Variants in NEDD4L observed in about 807,000 individuals in gnomAD.
NEDD4L encodes NEDD4 like E3 ubiquitin protein ligase.
Under a neutral mutation model 148.9 loss-of-function variants are expected in NEDD4L, and 54 were observed. The ratio of observed to expected loss-of-function variants is 0.36; its 90% confidence interval spans 0.29 to 0.45. The LOEUF is 0.45. Among genes scored for constraint, NEDD4L ranks in the 20% least tolerant of loss-of-function variants. The probability of loss-of-function intolerance (pLI) is 1.00; values close to 1 mark genes in which losing one functional copy is unlikely to be tolerated. For missense variants in NEDD4L, 856 were observed against 1,233.8 expected, an observed-to-expected ratio of 0.69 and a Z score of 4.59; for synonymous variants, 433 against 440.7, an observed-to-expected ratio of 0.98 and a Z score of 0.22.
In NEDD4L at chr18:58,329,007, G is replaced by C. The variant is rs764223093; in HGVS notation, c.693G>C (p.Ser231=). The stretch of plus-strand genomic sequence containing the variant: ...CCTGCATGCTCAGGGACGTGTCCTC[G>C]GAGTCGGACAATAACATCAGACAGA... ...WHRPSLMDVS[S]ESDNNIRQIN... is the part of the protein sequence containing the mutation. The change falls in exon 10 of 31, where the codon TCG becomes TCC. Residue 231 remains serine (S), a synonymous_variant. Coordinates refer to ENST00000400345, the MANE Select transcript of NEDD4L (RefSeq NM_001144967.3). 9 of 1,613,842 alleles carry C rather than the reference G, an allele frequency of 5.6e-6. No individual in the cohort carries two copies. The African/African-American group carries it at 1.1e-4, about 19-fold the overall frequency.
chr18:58,276,669 G>A lies in NEDD4L; in HGVS notation c.297+24615G>A, dbSNP rs147524329. Among the ~76,000 whole-genome samples, 114 of 145,404 alleles carry A rather than the reference G, an allele frequency of 7.8e-4. No homozygotes were observed. In the East Asian group the frequency reaches 0.013, roughly 17 times the overall value. On this transcript the variant is annotated intron_variant, in intron 5 of 30. Coordinates refer to ENST00000400345, the MANE Select transcript of NEDD4L (RefSeq NM_001144967.3). ...GTAAATGCTAATGTGTTTTACAATT[G>A]TGGTCAGCTATAATAATAATAATAA...
intron 1 of NEDD4L, among the ~76,000 whole-genome samples, chr18:58,105,323 G>C (rs964118414): frequency 2.6e-5 from 4 of 152,124 alleles, no homozygotes; most frequent in African/African-American, 7.2e-5. Flanking sequence ...ATATCTCCCT[G>C]TTCTCCCTGC....
At chr18:58,268,580 C>G (rs2050568173) in intron 5 of NEDD4L, among the ~76,000 whole-genome samples, 1 of 152,006 alleles carries the variant, frequency 6.6e-6, no homozygotes, top group Non-Finnish European at 1.5e-5. Context: ...GACAGATGAG[C>G]AGATAGACAC....
At position 58,149,607 on chromosome 18, in the gene NEDD4L, C is replaced by T. The variant is rs559397416; in HGVS notation, c.49-16181C>T. 10 of 1,270,530 alleles carry T rather than the reference C, an allele frequency of 7.9e-6. No homozygotes were observed. In the African/African-American group the frequency reaches 1.3e-4, roughly 17 times the overall value. 78.7% of individuals were successfully genotyped at this position (1,270,530 alleles called of 1,614,324 possible). On this transcript the variant is annotated intron_variant, in intron 1 of 30. Transcript: ENST00000400345. ...TTGGTGGGGGAGGAGGTTTTACCTT[C>T]CTGTGGCATTCTGAAGCTCTCCACA...
intron 1 of NEDD4L, among the ~76,000 whole-genome samples, chr18:58,145,806 T>C (rs79819114): frequency 6.6e-6 from 1 of 152,336 alleles, no homozygotes; most frequent in East Asian, 1.9e-4. Flanking sequence ...CAGTCCTCCT[T>C]CTCTCAGACC....
intron 1 of NEDD4L, among the ~76,000 whole-genome samples, chr18:58,115,422 CAT>C (rs957291776): frequency 1.3e-5 from 2 of 151,976 alleles, no homozygotes; most frequent in African/African-American, 4.8e-5. Flanking sequence ...GTTTAGGAAA[CAT>C]AGGAGGTTAG....
chr18:58,343,088 A>G lies in NEDD4L; in HGVS notation c.1560A>G (p.Thr520=). The change falls in exon 16 of 31, where the codon ACA becomes ACG. Residue 520 remains threonine, a synonymous_variant. Coordinates refer to ENST00000400345, the MANE Select transcript of NEDD4L (RefSeq NM_001144967.3). ...NGRPFFIDHN[T]KTTTWEDPRL... ...GGCCCTTCTTCATTGATCATAACAC[A>G]AAGACTACAACCTGGGTAAGGCTGC... The G allele has an allele frequency of 1.2e-6, 2 of 1,607,846 alleles. No homozygotes were observed. Among genetic ancestry groups the G allele is most frequent in the Non-Finnish European group, 1.7e-6 (2 of 1,176,666 alleles).
intron 5 of NEDD4L, among the ~76,000 whole-genome samples, chr18:58,313,677 G>A (rs180979743): frequency 1.3e-5 from 2 of 152,346 alleles, no homozygotes; most frequent in Admixed American, 6.5e-5. Flanking sequence ...AGGTTGTTGC[G>A]AGAACTAGAC....
chr18:58,073,299 T>G (rs1305482640), intron 1 of NEDD4L, among the ~76,000 whole-genome samples: 1 of 151,802 alleles, frequency 6.6e-6, no homozygotes, highest in East Asian at 1.9e-4. Flanking sequence ...AAAACAACCT[T>G]GAAAAAGAAC....
chr18:58,298,168 T>C (rs531968033), intron 5 of NEDD4L, among the ~76,000 whole-genome samples: 1 of 152,304 alleles, frequency 6.6e-6, no homozygotes, highest in South Asian at 2.1e-4. Flanking sequence ...TTTTGGGTAA[T>C]TTAAATTTAT....
intron 5 of NEDD4L, among the ~76,000 whole-genome samples, chr18:58,262,074 C>G (rs944629496): frequency 6.6e-6 from 1 of 152,140 alleles, no homozygotes; most frequent in Non-Finnish European, 1.5e-5. Context: ...TTAGTTCATA[C>G]CAAGCAGCAT....
At chr18:58,130,999 A>T (rs1373101128) in intron 1 of NEDD4L, among the ~76,000 whole-genome samples, 4 of 74,198 alleles carry the variant, frequency 5.4e-5, no homozygotes, top group Admixed American at 1.7e-4. Flanking sequence ...GGTTTGGTTG[A>T]CTGTGATCTA....
intron 1 of NEDD4L, among the ~76,000 whole-genome samples, chr18:58,082,102 A>ATATATATATATATTTTTTTTTT: frequency 4.1e-5 from 2 of 48,832 alleles, no homozygotes; most frequent in East Asian, 6.1e-4. Flanking sequence ...ATATATATAT[A>ATATATATATATATTTTTTTTTT]TTTTTTTTTT....
chr18:58,189,390 A>C (rs77604723), intron 2 of NEDD4L, among the ~76,000 whole-genome samples: 2,649 of 152,230 alleles, frequency 0.017, 75 homozygotes, highest in African/African-American at 0.061. Flanking sequence ...GGAGGAAGAA[A>C]ATAACTTACA....
intron 6 of NEDD4L, among the ~76,000 whole-genome samples, chr18:58,317,937 G>A (rs1361609680): frequency 6.6e-6 from 1 of 152,188 alleles, no homozygotes; most frequent in Admixed American, 6.5e-5. Context: ...AAAACAAAAG[G>A]AGAGGCGTGA....
At chr18:58,203,695 C>T (rs2041674300) in intron 2 of NEDD4L, among the ~76,000 whole-genome samples, 1 of 126,514 alleles carries the variant, frequency 7.9e-6, no homozygotes, top group Admixed American at 7.9e-5. Flanking sequence ...AAACATTTTG[C>T]AATTTTTTTT....
At chr18:58,283,768 A>T (rs1172401644) in intron 5 of NEDD4L, among the ~76,000 whole-genome samples, 1 of 152,208 alleles carries the variant, frequency 6.6e-6, no homozygotes, top group Non-Finnish European at 1.5e-5. Context: ...CCAAAAAGAT[A>T]TGAAATCCTA....
intron 5 of NEDD4L, among the ~76,000 whole-genome samples, chr18:58,261,440 T>C (rs541482961): frequency 1.6e-4 from 24 of 152,342 alleles, no homozygotes; most frequent in African/African-American, 5.5e-4. Context: ...TGTATGACTT[T>C]AAAATGAGGG....
At chr18:58,395,892 C>T (rs538718001) in intron 30 of NEDD4L, among the ~76,000 whole-genome samples, 2 of 152,194 alleles carry the variant, frequency 1.3e-5, no homozygotes, top group African/African-American at 4.8e-5. Context: ...GAAATCTTGC[C>T]GGTTACTCCC....
Sources: allele counts gnomAD v4.1 joint callset (sites outside exome capture counted in the v4.1 genomes callset), GRCh38; gene constraint gnomAD v4.1.1; transcripts MANE v1.5; gene names NCBI Gene and HGNC (gene_info 2026-07-23, HGNC 2026-07-21).